RIMS2: variants seen among roughly 807,000 people sequenced by gnomAD.
RIMS2 encodes the protein regulating synaptic membrane exocytosis 2.
In RIMS2, 59 loss-of-function variants were observed where a neutral mutation model predicts 174.4. The observed-to-expected ratio is 0.34, with a 90% CI of 0.27 to 0.42. The LOEUF (loss-of-function observed/expected upper bound fraction) is 0.42, where lower values mean the gene tolerates loss of function less well. Ranked by LOEUF, RIMS2 falls within the 10% of genes least tolerant of loss-of-function variation. The pLI is 1.00. For missense variants in RIMS2, 1,620 were observed against 1,666.3 expected (o/e 0.97, Z 0.48); for synonymous variants, 606 against 572.5 (o/e 1.06, Z -0.84).
chr8:103,920,587 C>T (rs1372177524), intron 9 of RIMS2: 1 of 450,696 alleles, frequency 2.2e-6, no homozygotes, highest in African/African-American at 2.0e-5. Flanking sequence ...GACATTTGGT[C>T]CCATCTGTAC....
At chr8:104,148,743 T>C in intron 19 of RIMS2, 9 of 1,598,334 alleles carry the variant, frequency 5.6e-6, no homozygotes, top group Non-Finnish European at 7.6e-6. Flanking sequence ...AGTGGGCACC[T>C]TGGGCACCAG....
intron 19 of RIMS2, among the ~76,000 whole-genome samples, chr8:104,065,371 T>A (rs1442028936): frequency 6.6e-6 from 1 of 151,958 alleles, no homozygotes; most frequent in Non-Finnish European, 1.5e-5. Context: ...TGCTTTTCAT[T>A]CCAAGGAAGA....
At chr8:103,692,626 G>A (rs905387958) in intron 1 of RIMS2, among the ~76,000 whole-genome samples, 2 of 152,206 alleles carry the variant, frequency 1.3e-5, no homozygotes, top group African/African-American at 2.4e-5. Context: ...CTAGGACTGG[G>A]TTCTTTCCTT....
rs543981733 is a variant in RIMS2 at position 104,020,356 on chromosome 8, A to G, written c.3334+5741A>G. Among the ~76,000 whole-genome samples the G allele has an allele frequency of 2.0e-5, 3 of 152,144 alleles. No homozygotes were observed. In the East Asian group the frequency reaches 5.8e-4, roughly 29 times the overall value. Reference sequence around the variant, plus strand: ...AAAGGCAAGTCTTAAAATGAAGTTTATGGTGTCTTTCTAGATATTAGACAC... The same window carrying G: ...AAAGGCAAGTCTTAAAATGAAGTTTGTGGTGTCTTTCTAGATATTAGACAC... On this transcript the variant is annotated intron_variant, in intron 19 of 23. Coordinates refer to ENST00000504942, the Ensembl canonical transcript of RIMS2.
chr8:104,061,832 AT>A (rs1046771805), intron 19 of RIMS2, among the ~76,000 whole-genome samples: 16 of 151,940 alleles, frequency 1.1e-4, no homozygotes, highest in African/African-American at 3.9e-4. Flanking sequence ...ACCTTTAGGA[AT>A]TTTTTTCCCA....
In RIMS2 at chr8:103,827,203, G is replaced by C. The variant is rs76304663; in HGVS notation, c.699-58095G>C. On this transcript the variant is annotated intron_variant, in intron 3 of 23. Transcript: ENST00000504942. ...CTTGTATGACTTTGTGAAAATTTCC[G>C]TAAGTATTTTAAGTTTTTTATCTCA... Among the ~76,000 whole-genome samples the C allele has an allele frequency of 3.9e-5, 6 of 151,950 alleles. No homozygotes were observed. In the South Asian group the frequency reaches 8.3e-4, roughly 21 times the overall value.
chr8:103,880,507 A>G (rs753743688), intron 3 of RIMS2: 7 of 381,796 alleles, frequency 1.8e-5, no homozygotes, highest in Non-Finnish European at 3.3e-5. Context: ...TTTTTTAGTA[A>G]CTTAGTTTTG....
intron 2 of RIMS2, among the ~76,000 whole-genome samples, chr8:103,724,249 A>G (rs1358288281): frequency 3.9e-5 from 6 of 152,182 alleles, no homozygotes; most frequent in Non-Finnish European, 8.8e-5. Context: ...TGGTTGCATC[A>G]TTGTTTAAAT....
intron 19 of RIMS2, among the ~76,000 whole-genome samples, chr8:104,158,322 A>G (rs1413966150): frequency 6.6e-6 from 1 of 152,134 alleles, no homozygotes; most frequent in East Asian, 1.9e-4. Context: ...GTTGGTTCCA[A>G]GTCTTTGCTA....
At chr8:103,611,968 AT>A (rs1389356478) in intron 1 of RIMS2, among the ~76,000 whole-genome samples, 3 of 101,342 alleles carry the variant, frequency 3.0e-5, no homozygotes, top group Admixed American at 8.3e-5. Flanking sequence ...ATTGTTTTTT[AT>A]TTTTTTTCTC....
chr8:103,972,595 C>A (rs944143884), intron 15 of RIMS2, among the ~76,000 whole-genome samples: 1 of 152,126 alleles, frequency 6.6e-6, no homozygotes, highest in Non-Finnish European at 1.5e-5. Context: ...AATAGCTGTT[C>A]TTCATCACTT....
chr8:104,187,432 G>A (rs1000461118), intron 19 of RIMS2, among the ~76,000 whole-genome samples: 22 of 151,718 alleles, frequency 1.5e-4, no homozygotes, highest in African/African-American at 4.8e-4. Context: ...AAGTATCAAC[G>A]CAGAATTAAA....
At chr8:103,605,699 A>C (rs1403281597) in intron 1 of RIMS2, among the ~76,000 whole-genome samples, 1 of 152,140 alleles carries the variant, frequency 6.6e-6, no homozygotes, top group South Asian at 2.1e-4. Flanking sequence ...ATCTGTTCAG[A>C]GATTCAACTT....
At chr8:104,209,342 G>T (rs968965119) in intron 19 of RIMS2, among the ~76,000 whole-genome samples, 6 of 152,088 alleles carry the variant, frequency 3.9e-5, no homozygotes, top group Non-Finnish European at 8.8e-5. Flanking sequence ...TAATCTCTAA[G>T]ACCTGTTATA....
chr8:103,565,044 A>G (rs1023916254), intron 1 of RIMS2, among the ~76,000 whole-genome samples: 3 of 152,198 alleles, frequency 2.0e-5, no homozygotes, highest in East Asian at 1.9e-4. Flanking sequence ...ACTGGGTTCT[A>G]TTTATGTTGT....
chr8:103,775,481 AG>A lies in RIMS2; in HGVS notation c.698+8946del, dbSNP rs567858503. Among the ~76,000 whole-genome samples, 131 of 152,244 alleles carry A rather than the reference AG, an allele frequency of 8.6e-4. 2 individuals carry two copies. Among genetic ancestry groups the A allele is most frequent in the African/African-American group, 3.1e-3 (130 of 41,586 alleles). The stretch of plus-strand genomic sequence containing the variant: ...TTTCTTCTTATACTTTTTAGAATAC[AG>A]GTGAAACAAAAAGGCAACAAAGATG... On this transcript the variant is annotated intron_variant, in intron 3 of 23. Transcript: ENST00000504942.
intron 1 of RIMS2, among the ~76,000 whole-genome samples, chr8:103,629,499 A>G (rs2095862648): frequency 6.6e-6 from 1 of 152,234 alleles, no homozygotes; most frequent in African/African-American, 2.4e-5. Flanking sequence ...CCACAAAAAT[A>G]AGCTAAGAAA....
chr8:104,014,986 G>A (rs931940547), intron 19 of RIMS2, among the ~76,000 whole-genome samples: 3 of 152,118 alleles, frequency 2.0e-5, no homozygotes, highest in Admixed American at 6.6e-5. Context: ...ACACTGCAAA[G>A]GACTGGTTAG....
chr8:103,849,899 G>A (rs1207980441), intron 3 of RIMS2, among the ~76,000 whole-genome samples: 1 of 151,980 alleles, frequency 6.6e-6, no homozygotes, highest in Non-Finnish European at 1.5e-5. Context: ...TAACTCTTTT[G>A]TCTAAAGAGG....
Sources: allele counts gnomAD v4.1 joint callset (sites outside exome capture counted in the v4.1 genomes callset), GRCh38; gene constraint gnomAD v4.1.1; transcripts MANE v1.5; gene names NCBI Gene and HGNC (gene_info 2026-07-23, HGNC 2026-07-21).